The following TSHZ2 variants were observed in gnomAD, a reference collection of about 807,000 sequenced individuals.
The protein encoded by TSHZ2 is teashirt zinc finger homeobox 2.
Under a neutral mutation model 74.4 loss-of-function variants are expected in TSHZ2, and 21 were observed. The ratio of observed to expected loss-of-function variants is 0.28; its 90% CI spans 0.20 to 0.41. TSHZ2 has a LOEUF of 0.41. Ranked by LOEUF, TSHZ2 falls within the 10% of genes least tolerant of loss-of-function variation. The pLI, the probability that TSHZ2 is intolerant of heterozygous loss-of-function variation, is 1.00. For missense variants in TSHZ2, 1,244 were observed against 1,293.5 expected (o/e 0.96, Z 0.59); for synonymous variants, 540 against 515.3 (o/e 1.05, Z -0.65).
chr20:53,028,084 G>A lies in TSHZ2; in HGVS notation c.40+54751G>A, dbSNP rs545582854. On this transcript the variant is annotated intron_variant, in intron 1 of 2. Transcript: ENST00000371497. ...GCCATTAAGAAGCAGCATCTACAGAGTGCAGGAAATCCAGTCTCTTCTCTC... is the reference window on the plus strand; with the variant it reads ...GCCATTAAGAAGCAGCATCTACAGAATGCAGGAAATCCAGTCTCTTCTCTC... Among the ~76,000 whole-genome samples, 3 of 152,316 alleles carry A rather than the reference G, an allele frequency of 2.0e-5. No individual in the cohort carries two copies. In the South Asian group the frequency reaches 6.2e-4, roughly 32 times the overall value.
At chr20:53,169,000 T>G (rs1568792441) in intron 1 of TSHZ2, among the ~76,000 whole-genome samples, 2 of 152,222 alleles carry the variant, frequency 1.3e-5, no homozygotes, top group African/African-American at 4.8e-5. Context: ...GTTATGACAG[T>G]ACAGTCTTCC....
At chr20:53,214,564 A>G (rs1000959156) in intron 1 of TSHZ2, among the ~76,000 whole-genome samples, 1 of 152,174 alleles carries the variant, frequency 6.6e-6, no homozygotes, top group African/African-American at 2.4e-5. Flanking sequence ...AATATAAAAA[A>G]TAGCCAGGCA....
At chr20:53,437,745 G>A (rs573767018) in intron 2 of TSHZ2, among the ~76,000 whole-genome samples, 2 of 152,306 alleles carry the variant, frequency 1.3e-5, no homozygotes, top group African/African-American at 2.4e-5. Context: ...CAGATACCTC[G>A]TGAATGGCTC....
chr20:53,393,211 T>G (rs957010565), intron 2 of TSHZ2, among the ~76,000 whole-genome samples: 1 of 152,198 alleles, frequency 6.6e-6, no homozygotes, highest in Non-Finnish European at 1.5e-5. Context: ...CTTCTTTGTG[T>G]CCATGTGTAC....
intron 1 of TSHZ2, among the ~76,000 whole-genome samples, chr20:53,011,846 C>A (rs912366943): frequency 6.6e-6 from 1 of 152,184 alleles, no homozygotes; most frequent in Non-Finnish European, 1.5e-5. Context: ...GGTTCAACTT[C>A]TTTGAGTCAG....
At chr20:53,204,857 G>A (rs1191126993) in intron 1 of TSHZ2, among the ~76,000 whole-genome samples, 7 of 152,120 alleles carry the variant, frequency 4.6e-5, no homozygotes, top group Non-Finnish European at 7.4e-5. Flanking sequence ...CGAGGCGGGC[G>A]GATCATGAGG....
intron 2 of TSHZ2, among the ~76,000 whole-genome samples, chr20:53,392,239 G>A (rs970018337): frequency 1.3e-5 from 2 of 152,178 alleles, no homozygotes; most frequent in African/African-American, 4.8e-5. Context: ...GAAGTTGGGA[G>A]TTCAAGACCA....
intron 2 of TSHZ2, among the ~76,000 whole-genome samples, chr20:53,429,772 C>T (rs987312112): frequency 2.0e-5 from 3 of 152,042 alleles, no homozygotes; most frequent in Non-Finnish European, 4.4e-5. Context: ...TTAGATGGTA[C>T]TTGGGTGAGC....
intron 1 of TSHZ2, among the ~76,000 whole-genome samples, chr20:53,068,789 G>T (rs1336736681): frequency 1.3e-5 from 2 of 151,974 alleles, no homozygotes; most frequent in East Asian, 1.9e-4. Context: ...TAAGAAAAAT[G>T]GTCCTTTTCA....
chr20:53,397,640 G>T (rs1308335978), intron 2 of TSHZ2: 4 of 152,118 alleles, frequency 2.6e-5, no homozygotes, highest in Non-Finnish European at 5.9e-5. Context: ...ATACCCAAAG[G>T]ATTATAAATC....
At chr20:53,083,617 C>T (rs989615011) in intron 1 of TSHZ2, among the ~76,000 whole-genome samples, 4 of 152,238 alleles carry the variant, frequency 2.6e-5, no homozygotes, top group Non-Finnish European at 5.9e-5. Flanking sequence ...CAGGCTCAAA[C>T]CTTAGTCTGT....
At chr20:53,167,295 C>G (rs1988085560) in intron 1 of TSHZ2, among the ~76,000 whole-genome samples, 1 of 152,212 alleles carries the variant, frequency 6.6e-6, no homozygotes, top group Non-Finnish European at 1.5e-5. Context: ...TAACCAGACA[C>G]TAAATTGAGC....
rs377657785 is a variant in TSHZ2, at chr20:52,994,445, A to AATGG, written c.40+21114_40+21117dup. On this transcript the variant is annotated intron_variant, in intron 1 of 2. Coordinates refer to ENST00000371497, the MANE Select transcript of TSHZ2 (RefSeq NM_173485.6). ...GGATGGATGGATGGATGAGTGAATG[A>AATGG]ATGGACGGATGGATGGATGGATGGA... Among the ~76,000 whole-genome samples the AATGG allele has an allele frequency of 5.2e-3, 791 of 151,588 alleles. 6 individuals are homozygous for AATGG. The highest frequency in any genetic ancestry group is 6.1e-3 in the Non-Finnish European group (412 of 67,796).
intron 2 of TSHZ2, among the ~76,000 whole-genome samples, chr20:53,446,658 T>C (rs994390864): frequency 6.6e-6 from 1 of 151,702 alleles, no homozygotes; most frequent in East Asian, 1.9e-4. Flanking sequence ...TTTTTACACC[T>C]CCTTTTCCTT....
At chr20:53,037,019 A>AT (rs1481568437) in intron 1 of TSHZ2, among the ~76,000 whole-genome samples, 1 of 152,068 alleles carries the variant, frequency 6.6e-6, no homozygotes. Flanking sequence ...TAATTATGGT[A>AT]TTAGTGCAGT....
intron 1 of TSHZ2, among the ~76,000 whole-genome samples, chr20:52,986,115 G>A (rs1333756323): frequency 6.6e-6 from 1 of 152,134 alleles, no homozygotes; most frequent in East Asian, 1.9e-4. Flanking sequence ...ATAATGGCCG[G>A]GCACAGTGGC....
At chr20:53,259,791 G>A (rs1990564879) in intron 2 of TSHZ2, among the ~76,000 whole-genome samples, 1 of 152,112 alleles carries the variant, frequency 6.6e-6, no homozygotes, top group African/African-American at 2.4e-5. Context: ...CCCAAATATT[G>A]CATGGGCCAT....
chr20:52,976,329 T>C (rs897551715), intron 1 of TSHZ2, among the ~76,000 whole-genome samples: 4 of 152,220 alleles, frequency 2.6e-5, no homozygotes, highest in Non-Finnish European at 5.9e-5. Context: ...TTTCTTAAGC[T>C]ATGCTATTCC....
At chr20:53,226,454 A>G (rs1050602935) in intron 1 of TSHZ2, among the ~76,000 whole-genome samples, 4 of 145,888 alleles carry the variant, frequency 2.7e-5, no homozygotes, top group African/African-American at 5.4e-5. Flanking sequence ...GTGTGTGTGT[A>G]TGTGTAACTC....
Sources: allele counts gnomAD v4.1 joint callset (sites outside exome capture counted in the v4.1 genomes callset), GRCh38; gene constraint gnomAD v4.1.1; transcripts MANE v1.5; gene names NCBI Gene and HGNC (gene_info 2026-07-23, HGNC 2026-07-21).